QTMAN: variants seen among roughly 807,000 people sequenced by gnomAD.
QTMAN encodes the protein tRNA-queuosine alpha-mannosyltransferase.
chr2:144,080,065 C>T, the QTMAN span, among the ~76,000 whole-genome samples: 1 of 151,978 alleles, frequency 6.6e-6, no homozygotes, highest in Non-Finnish European at 1.5e-5. Context: ...TGTTTATATA[C>T]CAATTTACTA....
At chr2:144,230,876 G>A in the QTMAN span, among the ~76,000 whole-genome samples, 1 of 152,076 alleles carries the variant, frequency 6.6e-6, no homozygotes, top group Non-Finnish European at 1.5e-5. Context: ...TAAAAATGAA[G>A]CTAACTCAAA....
chr2:144,133,213 A>G, the QTMAN span, among the ~76,000 whole-genome samples: 18 of 75,570 alleles, frequency 2.4e-4, no homozygotes, highest in East Asian at 2.6e-3. Context: ...ATTTATATAT[A>G]CATATATAAA....
the QTMAN span, among the ~76,000 whole-genome samples, chr2:144,169,085 G>A: frequency 6.6e-6 from 1 of 151,958 alleles, no homozygotes; most frequent in Non-Finnish European, 1.5e-5. Context: ...TTATAATAAA[G>A]ATATACCTAG....
chr2:144,288,368 A>G, the QTMAN span, among the ~76,000 whole-genome samples: 1 of 152,228 alleles, frequency 6.6e-6, no homozygotes. Flanking sequence ...GTAAAGGCTT[A>G]AAAATATACT....
the QTMAN span, among the ~76,000 whole-genome samples, chr2:144,101,494 G>A: frequency 2.0e-5 from 3 of 151,982 alleles, no homozygotes; most frequent in African/African-American, 7.3e-5. Flanking sequence ...CGCTTCTCAT[G>A]TTCATGTTAG....
chr2:144,111,945 T>A, the QTMAN span, among the ~76,000 whole-genome samples: 2 of 152,060 alleles, frequency 1.3e-5, no homozygotes, highest in South Asian at 4.1e-4. Flanking sequence ...CACTAAGGAG[T>A]GAAGTATTTT....
chr2:144,026,266 T>C, the QTMAN span, among the ~76,000 whole-genome samples: 5 of 151,912 alleles, frequency 3.3e-5, no homozygotes, highest in Non-Finnish European at 5.9e-5. Context: ...AAACCCCGTC[T>C]CTACTAAAAA....
the QTMAN span, among the ~76,000 whole-genome samples, chr2:144,321,962 G>C: frequency 6.6e-6 from 1 of 152,146 alleles, no homozygotes; most frequent in Non-Finnish European, 1.5e-5. Context: ...TATCAAGTGT[G>C]AACAGGCTGA....
At chr2:144,140,405 C>T in the QTMAN span, among the ~76,000 whole-genome samples, 1 of 151,692 alleles carries the variant, frequency 6.6e-6, no homozygotes, top group African/African-American at 2.4e-5. Context: ...TACATTTTGC[C>T]TATATGTGAT....
the QTMAN span, among the ~76,000 whole-genome samples, chr2:144,076,209 T>A: frequency 2.0e-5 from 3 of 152,252 alleles, no homozygotes; most frequent in South Asian, 6.2e-4. Flanking sequence ...ATTGCGCCAC[T>A]GCACTCCAGG....
chr2:144,304,085 A>G, the QTMAN span, among the ~76,000 whole-genome samples: 1 of 152,238 alleles, frequency 6.6e-6, no homozygotes, highest in African/African-American at 2.4e-5. Context: ...TGGTAAAAGA[A>G]CAAATATGAG....
At chr2:144,307,629 T>A in the QTMAN span, among the ~76,000 whole-genome samples, 24 of 152,348 alleles carry the variant, frequency 1.6e-4, no homozygotes, top group African/African-American at 5.5e-4. Context: ...GTCAAAAGCA[T>A]TAATGATTAC....
the QTMAN span, among the ~76,000 whole-genome samples, chr2:144,286,394 C>T: frequency 3.3e-4 from 51 of 152,274 alleles, no homozygotes; most frequent in Admixed American, 2.6e-4. Flanking sequence ...TTCCAGTAAA[C>T]TTATATGATA....
the QTMAN span, among the ~76,000 whole-genome samples, chr2:143,964,590 T>C: frequency 6.6e-6 from 1 of 152,128 alleles, no homozygotes; most frequent in African/African-American, 2.4e-5. Flanking sequence ...TTTCTAGTAT[T>C]TCCCCCTTAG....
chr2:144,039,437 T>C, the QTMAN span, among the ~76,000 whole-genome samples: 1 of 152,108 alleles, frequency 6.6e-6, no homozygotes, highest in Non-Finnish European at 1.5e-5. Flanking sequence ...CCATGTCTTC[T>C]GGTTTCTAGG....
the QTMAN span, among the ~76,000 whole-genome samples, chr2:144,121,042 C>T: frequency 7.9e-5 from 12 of 152,098 alleles, no homozygotes; most frequent in Non-Finnish European, 1.8e-4. Context: ...AGCTAAGACT[C>T]AGTGTAAGCT....
the QTMAN span, among the ~76,000 whole-genome samples, chr2:144,331,649 G>GAA: frequency 6.6e-6 from 1 of 152,142 alleles, no homozygotes; most frequent in Non-Finnish European, 1.5e-5. Context: ...GTATGTGCGA[G>GAA]AGAAGGCAAA....
At chr2:144,233,400 GA>G in the QTMAN span, among the ~76,000 whole-genome samples, 2 of 152,104 alleles carry the variant, frequency 1.3e-5, no homozygotes, top group Non-Finnish European at 2.9e-5. Context: ...TTCTATTTCA[GA>G]AAAAAATATT....
the QTMAN span, among the ~76,000 whole-genome samples, chr2:144,194,335 T>C: frequency 6.6e-6 from 1 of 152,212 alleles, no homozygotes; most frequent in East Asian, 1.9e-4. Context: ...TTTGTACTTT[T>C]AAAGGTGAGT....
Sources: gnomAD v4.1 joint callset for allele counts (sites outside exome capture counted in the v4.1 genomes callset) on GRCh38, gnomAD v4.1.1 for gene constraint, MANE v1.5 for transcripts, NCBI Gene and HGNC (gene_info 2026-07-23, HGNC 2026-07-21) for gene names.